ECPAS: variants seen among roughly 807,000 people sequenced by gnomAD.
The protein encoded by ECPAS is Ecm29 proteasome adaptor and scaffold.
Under a neutral mutation model 255.1 loss-of-function variants are expected in ECPAS, and 70 were observed. The ratio of observed to expected loss-of-function variants is 0.27; its 90% CI spans 0.23 to 0.33. The LOEUF (loss-of-function observed/expected upper bound fraction) is 0.33, where lower values mean the gene tolerates loss of function less well. Among genes scored for constraint, ECPAS ranks in the 10% least tolerant of loss-of-function variants. The pLI is 1.00. For missense variants in ECPAS, 1,817 were observed against 2,206.4 expected (o/e 0.82, Z 3.54); for synonymous variants, 784 against 775.0 (o/e 1.01, Z -0.19).
At chr9:111,448,846 A>C (rs528965515) in intron 3 of ECPAS, among the ~76,000 whole-genome samples, 1 of 152,362 alleles carries the variant, frequency 6.6e-6, no homozygotes, top group South Asian at 2.1e-4. Context: ...TAAAATGACC[A>C]AACTGCACAT....
At chr9:111,366,835 A>G (rs532098473) in intron 46 of ECPAS, among the ~76,000 whole-genome samples, 1 of 152,164 alleles carries the variant, frequency 6.6e-6, no homozygotes, top group Non-Finnish European at 1.5e-5. Flanking sequence ...TTCCCCAAAA[A>G]CTTCAGCATG....
intron 24 of ECPAS, among the ~76,000 whole-genome samples, chr9:111,406,492 G>A (rs113417602): frequency 6.7e-6 from 1 of 149,950 alleles, no homozygotes. Context: ...TTTCAAAATA[G>A]CAAGAAGGGA....
chr9:111,446,909 A>G (rs539138728), intron 3 of ECPAS, among the ~76,000 whole-genome samples: 1 of 152,322 alleles, frequency 6.6e-6, no homozygotes, highest in Non-Finnish European at 1.5e-5. Flanking sequence ...TTGCATTGTC[A>G]TCCATACTTC....
chr9:111,423,185 AAG>A lies in ECPAS; in HGVS notation c.1265+12_1265+13del. ...ACCAACACCATATCTCTCACTAAAA[AAG>A]AGTTTACTCACCTGGAGAGTTTTCC... On this transcript the variant is annotated intron_variant, in intron 13 of 49. Coordinates refer to ENST00000684092, the MANE Select transcript of ECPAS (RefSeq NM_001364929.1). 2 of 1,540,522 alleles carry A rather than the reference AAG, an allele frequency of 1.3e-6. No individual in the cohort carries two copies. The highest frequency in any genetic ancestry group is 1.8e-6 in the Non-Finnish European group (2 of 1,134,698).
chr9:111,380,070 T>G (rs2098138665), intron 35 of ECPAS, among the ~76,000 whole-genome samples: 1 of 152,216 alleles, frequency 6.6e-6, no homozygotes, highest in East Asian at 1.9e-4. Context: ...TCAATTTACT[T>G]TGCCCAGATC....
At position 111,425,817 on chromosome 9, in the gene ECPAS, A is replaced by C. The variant is rs1185363679; in HGVS notation, c.1062T>G (p.Asp354Glu). 1.3e-6 allele frequency: 2 copies of C among 1,538,270 alleles called. No homozygotes were observed. The highest frequency in any genetic ancestry group is 2.3e-5 in the South Asian group (2 of 86,986). Residue 354 changes from aspartate (D) to glutamate (E), a missense_variant, in exon 11 of 50, where the codon GAT (aspartate) becomes GAG (glutamate). By Grantham distance (45) the Asp-to-Glu change is conservative (BLOSUM62 2). Transcript: ENST00000684092. The stretch of plus-strand genomic sequence containing the variant: ...AATTTGTATTTGTACCAAAAAGTCC[A>C]TCATACACCACCTATGTAAAATGAA... The part of the protein sequence containing the change: ...TFPANIQVVY[D>E]GLFGTNTNSK...
chr9:111,427,711 T>C (rs1284105577), intron 10 of ECPAS, among the ~76,000 whole-genome samples: 1 of 152,218 alleles, frequency 6.6e-6, no homozygotes, highest in Admixed American at 6.5e-5. Context: ...ATTTTGTGCA[T>C]GAAGTAAAGT....
At chr9:111,374,178 G>C (rs2098130744) in intron 38 of ECPAS, 140 bp from the exon 39 acceptor site, 1 of 568,446 alleles carries the variant, frequency 1.8e-6, no homozygotes, top group African/African-American at 1.9e-5. Context: ...TATAGAAAAA[G>C]GCAAACTCTT....
intron 2 of ECPAS, among the ~76,000 whole-genome samples, chr9:111,464,726 A>G (rs1303895473): frequency 1.3e-5 from 2 of 152,106 alleles, no homozygotes; most frequent in Admixed American, 1.3e-4. Context: ...TAAACACAAA[A>G]CATATTGGGT....
At chr9:111,442,932 G>C (rs2098247857) in intron 4 of ECPAS, among the ~76,000 whole-genome samples, 1 of 152,186 alleles carries the variant, frequency 6.6e-6, no homozygotes, top group Non-Finnish European at 1.5e-5. Context: ...ACTGAGTACT[G>C]TGTGTTTCTG....
rs1481829289 is a variant in ECPAS, at chr9:111,394,351, CAT to C, written c.2777-48_2777-47del. 3.5e-6 allele frequency: 5 copies of C among 1,438,290 alleles called. No individual in the cohort carries two copies. In the African/African-American group the frequency reaches 7.2e-5, roughly 21 times the overall value. 89.1% of individuals were successfully genotyped at this position (1,438,290 alleles called of 1,614,324 possible). A position where few individuals can be genotyped will look rare whatever the true frequency, so the allele number is the denominator to read the frequency against. ...ATAACAAAGAATTAAAATAACTCAA[CAT>C]AGTTTCCTGAAAAAATTAAATTCAA... On this transcript the variant is annotated intron_variant, in intron 25 of 49. Coordinates refer to ENST00000684092, the MANE Select transcript of ECPAS (RefSeq NM_001364929.1).
intron 3 of ECPAS, among the ~76,000 whole-genome samples, chr9:111,449,562 G>C (rs897302959): frequency 1.3e-5 from 2 of 151,968 alleles, no homozygotes; most frequent in Non-Finnish European, 2.9e-5. Context: ...AACATTTAAA[G>C]TAGATGGACA....
At chr9:111,418,987 C>T (rs890556016) in intron 16 of ECPAS, among the ~76,000 whole-genome samples, 4 of 152,132 alleles carry the variant, frequency 2.6e-5, no homozygotes, top group African/African-American at 4.8e-5. Flanking sequence ...AAAACCAGCA[C>T]CTGGTAATAA....
intron 3 of ECPAS, among the ~76,000 whole-genome samples, chr9:111,444,855 C>T (rs1414753888): frequency 3.3e-5 from 5 of 151,678 alleles, no homozygotes; most frequent in Admixed American, 6.6e-5. Context: ...GGATTACAGG[C>T]GCGTGCCAGC....
At position 111,410,673 on chromosome 9, in the gene ECPAS, T is replaced by C. The variant is rs139324359; in HGVS notation, c.2377+307A>G. Among the ~76,000 whole-genome samples, 483 of 152,082 alleles carry C rather than the reference T, an allele frequency of 3.2e-3. 3 individuals are homozygous for C. The highest frequency in any genetic ancestry group is 0.011 in the African/African-American group (472 of 41,492). On this transcript the variant is annotated intron_variant, in intron 22 of 49. Coordinates refer to ENST00000684092, the MANE Select transcript of ECPAS (RefSeq NM_001364929.1). ...TTGAGGCTACAGGTACACGCCACCA[T>C]ACCAAGCTAATTTTGTTTATTTTTT...
At chr9:111,468,892 T>C (rs1451333970) in intron 2 of ECPAS, among the ~76,000 whole-genome samples, 1 of 152,152 alleles carries the variant, frequency 6.6e-6, no homozygotes, top group African/African-American at 2.4e-5. Context: ...AAGGAAGCCC[T>C]AGTTGGCATC....
Position 111,393,770 on chromosome 9 carries a change from TCTAC to T in ECPAS, c.2923-40_2923-37del, listed in dbSNP as rs770512310. ...AAAAAAGGCATTAGAACACTGAAAC[TCTAC>T]CTCTTTGAGAGAATAAGAGTCTTGC... On this transcript the variant is annotated intron_variant, in intron 26 of 49. Coordinates refer to ENST00000684092, the MANE Select transcript of ECPAS (RefSeq NM_001364929.1). The T allele has an allele frequency of 8.0e-6, 11 of 1,366,904 alleles. No individual in the cohort carries two copies. The East Asian group carries it at 2.5e-4, about 31-fold the overall frequency. 84.7% of individuals were successfully genotyped at this position (1,366,904 alleles called of 1,614,324 possible).
At chr9:111,381,784 C>G (rs1210039863) in intron 35 of ECPAS, among the ~76,000 whole-genome samples, 2 of 152,162 alleles carry the variant, frequency 1.3e-5, no homozygotes, top group South Asian at 2.1e-4. Flanking sequence ...CCAAATTTCT[C>G]TGTTTCATTA....
chr9:111,384,642 T>C, intron 33 of ECPAS, 73 bp from the exon 34 acceptor site: 1 of 1,345,638 alleles, frequency 7.4e-7, no homozygotes, highest in Non-Finnish European at 1.1e-6. Context: ...ATTTGCAATT[T>C]AATTGCCTCA....
Sources: allele counts gnomAD v4.1 joint callset (sites outside exome capture counted in the v4.1 genomes callset), GRCh38; gene constraint gnomAD v4.1.1; transcripts MANE v1.5; gene names NCBI Gene and HGNC (gene_info 2026-07-23, HGNC 2026-07-21).